GABRB1: variants seen among roughly 807,000 people sequenced by gnomAD.
The protein encoded by GABRB1 is gamma-aminobutyric acid receptor subunit beta-1.
In GABRB1, 17 loss-of-function variants were observed where a neutral mutation model predicts 51.6. The ratio of observed to expected loss-of-function variants is 0.33; its 90% CI spans 0.23 to 0.49. The LOEUF (loss-of-function observed/expected upper bound fraction) is 0.49, where lower values mean the gene tolerates loss of function less well. Among genes scored for constraint, GABRB1 ranks in the 20% least tolerant of loss-of-function variants. GABRB1 has a pLI of 0.99. For missense variants in GABRB1, 410 were observed against 600.6 expected (o/e 0.68, Z 3.32); for synonymous variants, 247 against 218.9 (o/e 1.13, Z -1.14).
At chr4:47,347,918 A>G (rs1220189726) in intron 5 of GABRB1, among the ~76,000 whole-genome samples, 1 of 152,222 alleles carries the variant, frequency 6.6e-6, no homozygotes, top group African/African-American at 2.4e-5. Context: ...TGCATTCATA[A>G]TAGAACAAGA....
intron 5 of GABRB1, among the ~76,000 whole-genome samples, chr4:47,391,772 G>A (rs961632241): frequency 6.6e-6 from 1 of 152,112 alleles, no homozygotes; most frequent in South Asian, 2.1e-4. Context: ...ACTCTAAGCA[G>A]CAAACAATAT....
intron 5 of GABRB1, among the ~76,000 whole-genome samples, chr4:47,360,394 A>T (rs1726761993): frequency 6.6e-6 from 1 of 151,966 alleles, no homozygotes. Context: ...GTTAGAAAAT[A>T]AAAATGGAAT....
chr4:47,374,150 A>C (rs1560357229), intron 5 of GABRB1, among the ~76,000 whole-genome samples: 1 of 152,208 alleles, frequency 6.6e-6, no homozygotes, highest in African/African-American at 2.4e-5. Context: ...TGGTTCCCGC[A>C]AGGTATATGT....
chr4:47,213,969 T>C lies in GABRB1; in HGVS notation c.461+52500T>C, dbSNP rs180781806. Reference sequence around the variant, plus strand: ...AAGTAAGACTCTTAATTTTCTCTGCTTTTTTCCTTCTCTCTGTTCATCCCC... The same window carrying C: ...AAGTAAGACTCTTAATTTTCTCTGCCTTTTTCCTTCTCTCTGTTCATCCCC... On this transcript the variant is annotated intron_variant, in intron 4 of 8. Transcript: ENST00000295454. Among the ~76,000 whole-genome samples the C allele has an allele frequency of 7.6e-4, 116 of 152,256 alleles. 1 individual carries two copies. Among genetic ancestry groups the C allele is most frequent in the African/African-American group, 2.3e-3 (95 of 41,560 alleles).
chr4:47,227,238 A>T (rs530465674), intron 4 of GABRB1, among the ~76,000 whole-genome samples: 1 of 152,236 alleles, frequency 6.6e-6, no homozygotes, highest in South Asian at 2.1e-4. Flanking sequence ...TTCGTGCAAA[A>T]TTGTATTGCT....
intron 4 of GABRB1, among the ~76,000 whole-genome samples, chr4:47,218,540 G>C (rs1720645251): frequency 1.3e-5 from 2 of 151,860 alleles, no homozygotes; most frequent in Non-Finnish European, 2.9e-5. Flanking sequence ...ACTGGGGTGA[G>C]ATGATATCTC....
chr4:47,052,421 C>T (rs894814740), intron 3 of GABRB1, among the ~76,000 whole-genome samples: 2 of 152,212 alleles, frequency 1.3e-5, no homozygotes, highest in Non-Finnish European at 2.9e-5. Context: ...CCCACACAAA[C>T]AAACACACAT....
intron 4 of GABRB1, among the ~76,000 whole-genome samples, chr4:47,298,186 A>G (rs989713229): frequency 2.6e-5 from 4 of 152,204 alleles, no homozygotes; most frequent in African/African-American, 9.7e-5. Context: ...GGCACAAGAC[A>G]GGGATGCCCT....
chr4:47,209,239 G>T (rs1720256964), intron 4 of GABRB1, among the ~76,000 whole-genome samples: 1 of 151,924 alleles, frequency 6.6e-6, no homozygotes, highest in Admixed American at 6.6e-5. Context: ...CACAGACAGG[G>T]CTGACCACCG....
At chr4:47,073,325 G>C (rs185001487) in intron 3 of GABRB1, among the ~76,000 whole-genome samples, 74 of 152,246 alleles carry the variant, frequency 4.9e-4, no homozygotes, top group African/African-American at 1.7e-3. Flanking sequence ...CAAACTGTTT[G>C]TTTTCCTTAA....
chr4:47,122,943 G>A (rs1484813676), intron 3 of GABRB1, among the ~76,000 whole-genome samples: 2 of 152,148 alleles, frequency 1.3e-5, no homozygotes, highest in Non-Finnish European at 2.9e-5. Context: ...CCCTAACTCA[G>A]CACGTATATA....
intron 4 of GABRB1, among the ~76,000 whole-genome samples, chr4:47,184,738 G>A (rs1310006924): frequency 6.6e-6 from 1 of 151,868 alleles, no homozygotes; most frequent in Non-Finnish European, 1.5e-5. Context: ...GAAAAACTTG[G>A]TGATACAGAT....
At chr4:47,121,818 C>G (rs931343001) in intron 3 of GABRB1, among the ~76,000 whole-genome samples, 1 of 152,092 alleles carries the variant, frequency 6.6e-6, no homozygotes, top group African/African-American at 2.4e-5. Context: ...ATACTAGGGA[C>G]TTATAAACGA....
intron 4 of GABRB1, among the ~76,000 whole-genome samples, chr4:47,226,963 T>A (rs1222208074): frequency 6.6e-6 from 1 of 152,124 alleles, no homozygotes; most frequent in Non-Finnish European, 1.5e-5. Context: ...GTCATAAAAA[T>A]ATTGAGGCAT....
At chr4:47,389,951 T>C (rs1164265494) in intron 5 of GABRB1, among the ~76,000 whole-genome samples, 1 of 152,194 alleles carries the variant, frequency 6.6e-6, no homozygotes, top group East Asian at 1.9e-4. Context: ...ATTTTGAGTG[T>C]CATTTAGGAT....
chr4:47,283,653 G>T (rs1375322060), intron 4 of GABRB1, among the ~76,000 whole-genome samples: 1 of 151,810 alleles, frequency 6.6e-6, no homozygotes, highest in Admixed American at 6.6e-5. Flanking sequence ...CTCCCAAAGT[G>T]CTGGGATTAC....
intron 4 of GABRB1, among the ~76,000 whole-genome samples, chr4:47,262,639 T>G (rs1170124787): frequency 6.6e-6 from 1 of 152,184 alleles, no homozygotes; most frequent in Non-Finnish European, 1.5e-5. Context: ...AGTGTGGCGA[T>G]TCTTCAGGGA....
chr4:47,294,011 C>T (rs376129640), intron 4 of GABRB1, among the ~76,000 whole-genome samples: 1 of 152,160 alleles, frequency 6.6e-6, no homozygotes, highest in Admixed American at 6.5e-5. Flanking sequence ...TGCCCCAAAG[C>T]TACAACCCCT....
At position 47,232,803 on chromosome 4, in the gene GABRB1, A is replaced by T. The variant is rs555975405; in HGVS notation, c.461+71334A>T. ...CAAATTCTTCAGAGTCTACTTCAAA[A>T]ATGATTCTCAAATTTCTTATTTTTT... On this transcript the variant is annotated intron_variant, in intron 4 of 8. Transcript: ENST00000295454. Among the ~76,000 whole-genome samples the T allele has an allele frequency of 2.0e-5, 3 of 152,122 alleles. No homozygotes were observed. The South Asian group carries it at 6.2e-4, about 32-fold the overall frequency.
Sources: gnomAD v4.1 joint callset for allele counts (sites outside exome capture counted in the v4.1 genomes callset) on GRCh38, gnomAD v4.1.1 for gene constraint, MANE v1.5 for transcripts, NCBI Gene and HGNC (gene_info 2026-07-23, HGNC 2026-07-21) for gene names.